The following DENND1A variants were observed in gnomAD, a reference collection of about 807,000 sequenced individuals.
DENND1A encodes DENN domain containing 1A.
Under a neutral mutation model 113.7 loss-of-function variants are expected in DENND1A, and 51 were observed. The ratio of observed to expected loss-of-function variants is 0.45; its 90% CI spans 0.36 to 0.57. The LOEUF is 0.57. Among genes scored for constraint, DENND1A ranks in the 20% least tolerant of loss-of-function variants. The pLI is 0.00. For missense variants in DENND1A, 1,258 were observed against 1,395.9 expected, an observed-to-expected ratio of 0.90 and a Z score of 1.57; for synonymous variants, 565 against 570.8, an observed-to-expected ratio of 0.99 and a Z score of 0.14.
At chr9:123,816,082 C>T (rs946032689) in intron 2 of DENND1A, among the ~76,000 whole-genome samples, 17 of 147,480 alleles carry the variant, frequency 1.2e-4, no homozygotes, top group Non-Finnish European at 3.0e-5. Context: ...CTCACTGTAA[C>T]CTCGACCTCC....
At chr9:123,593,072 A>G (rs1394715720) in intron 11 of DENND1A, among the ~76,000 whole-genome samples, 1 of 152,226 alleles carries the variant, frequency 6.6e-6, no homozygotes, top group African/African-American at 2.4e-5. Flanking sequence ...GAAGGCAGAC[A>G]GCTCCAGGAC....
At chr9:123,899,711 T>C (rs1339775661) in intron 1 of DENND1A, among the ~76,000 whole-genome samples, 1 of 152,196 alleles carries the variant, frequency 6.6e-6, no homozygotes, top group Non-Finnish European at 1.5e-5. Flanking sequence ...AACTAATAAT[T>C]TGCAACTTAT....
chr9:123,572,711 G>C (rs779007020), intron 12 of DENND1A, among the ~76,000 whole-genome samples: 5 of 152,118 alleles, frequency 3.3e-5, no homozygotes, highest in Admixed American at 6.5e-5. Context: ...TTAGGTATAA[G>C]TGTTAAGAAT....
At chr9:123,492,020 G>C (rs528971302) in intron 13 of DENND1A, 1 of 152,398 alleles carries the variant, frequency 6.6e-6, no homozygotes, top group African/African-American at 2.4e-5. Context: ...CAGAGCAAGA[G>C]AGGAAGACAG....
At chr9:123,689,520 ATTAC>A (rs1465454280) in intron 5 of DENND1A, among the ~76,000 whole-genome samples, 7 of 152,318 alleles carry the variant, frequency 4.6e-5, no homozygotes, top group African/African-American at 1.7e-4. Flanking sequence ...TAGTTCTTTT[ATTAC>A]TTATAACAGC....
intron 13 of DENND1A, among the ~76,000 whole-genome samples, chr9:123,544,358 C>T (rs75940099): frequency 0.022 from 3,320 of 152,216 alleles, 68 homozygotes; most frequent in East Asian, 0.066. Flanking sequence ...TGACATTACC[C>T]CTTGCAAAAT....
chr9:123,893,210 G>A (rs1041963357), intron 1 of DENND1A, among the ~76,000 whole-genome samples: 7 of 151,932 alleles, frequency 4.6e-5, no homozygotes, highest in African/African-American at 1.2e-4. Context: ...AGAAACTAAC[G>A]AACAGATCAG....
At position 123,781,790 on chromosome 9, in the gene DENND1A, C is replaced by T. The variant is rs982227197; in HGVS notation, c.132+10797G>A. ...GTTAAACATTTTATTTAAAAAAAGGCCGAGCACGGTGACTCATGCCTATAA... is the reference window on the plus strand; with the variant it reads ...GTTAAACATTTTATTTAAAAAAAGGTCGAGCACGGTGACTCATGCCTATAA... On this transcript the variant is annotated intron_variant, in intron 3 of 23. Transcript: ENST00000394215. Among the ~76,000 whole-genome samples, 10 of 152,206 alleles carry T rather than the reference C, an allele frequency of 6.6e-5. No homozygotes were observed. The East Asian group carries it at 1.7e-3, about 26-fold the overall frequency.
chr9:123,627,382 T>A (rs910369339), intron 10 of DENND1A, among the ~76,000 whole-genome samples: 4 of 152,186 alleles, frequency 2.6e-5, no homozygotes, highest in Non-Finnish European at 5.9e-5. Flanking sequence ...CTCTCATCCC[T>A]GTCTTCCCAG....
intron 1 of DENND1A, among the ~76,000 whole-genome samples, chr9:123,885,066 C>T (rs908606267): frequency 7.9e-5 from 12 of 151,950 alleles, no homozygotes; most frequent in African/African-American, 2.9e-4. Flanking sequence ...CACAGACGCA[C>T]GCACACAGCC....
chr9:123,919,909 A>G (rs1168596897), intron 1 of DENND1A, among the ~76,000 whole-genome samples: 3 of 149,454 alleles, frequency 2.0e-5, no homozygotes, highest in Admixed American at 1.3e-4. Context: ...AAAAAGGATG[A>G]TATGACAACA....
intron 19 of DENND1A, among the ~76,000 whole-genome samples, chr9:123,420,471 C>T (rs954937353): frequency 5.9e-5 from 9 of 152,214 alleles, no homozygotes; most frequent in African/African-American, 1.9e-4. Flanking sequence ...AGAAAAGCCG[C>T]AGCACCTGCC....
chr9:123,450,244 C>A (rs1490458088), intron 18 of DENND1A, among the ~76,000 whole-genome samples: 1 of 152,182 alleles, frequency 6.6e-6, no homozygotes, highest in Non-Finnish European at 1.5e-5. Context: ...CTCAGCCCCA[C>A]CCCCTATGCT....
At position 123,381,020 on chromosome 9, in the gene DENND1A, C is replaced by T. The variant is rs933642142; in HGVS notation, c.*412G>A. 1.5e-5 allele frequency: 3 copies of T among 205,112 alleles called. No individual in the cohort carries two copies. Among genetic ancestry groups the T allele is most frequent in the Non-Finnish European group, 3.0e-5 (3 of 101,364 alleles). The allele number at this position is 205,112 out of a possible 1,614,324, so 12.7% of individuals were successfully genotyped here. A position where few individuals can be genotyped will look rare whatever the true frequency, so the allele number is the denominator to read the frequency against. Reference sequence around the variant, plus strand: ...TGTCACCTGTGTCCGAGGAGGTGGGCGTGCAGGGCCTGGCTGTGGAGGAGA... The same window carrying T: ...TGTCACCTGTGTCCGAGGAGGTGGGTGTGCAGGGCCTGGCTGTGGAGGAGA... On this transcript the variant is annotated 3_prime_UTR_variant, in exon 24 of 24. Coordinates refer to ENST00000394215, the MANE Select transcript of DENND1A (RefSeq NM_001352964.2). The surrounding 1 kb of genome is among the most constrained non-coding windows in gnomAD (Gnocchi z 4.7).
At chr9:123,906,062 A>G (rs11560586) in intron 1 of DENND1A, among the ~76,000 whole-genome samples, 10,541 of 151,494 alleles carry the variant, frequency 0.07, 535 homozygotes, top group African/African-American at 0.15. Context: ...CTCACTCAAA[A>G]CCGCTCAACT....
chr9:123,661,019 G>T (rs1336154349), intron 8 of DENND1A, among the ~76,000 whole-genome samples: 1 of 152,208 alleles, frequency 6.6e-6, no homozygotes, highest in African/African-American at 2.4e-5. Context: ...AACAAAGAAT[G>T]ATCTGGCCCA....
At chr9:123,740,058 C>A (rs1425701405) in intron 5 of DENND1A, among the ~76,000 whole-genome samples, 1 of 152,044 alleles carries the variant, frequency 6.6e-6, no homozygotes, top group East Asian at 1.9e-4. Flanking sequence ...AGAATTAATT[C>A]TTACAAAACC....
rs569430189 is a variant in DENND1A, at chr9:123,627,342, A to G, written c.719+3034T>C. On this transcript the variant is annotated intron_variant, in intron 10 of 23. Coordinates refer to ENST00000394215, the MANE Select transcript of DENND1A (RefSeq NM_001352964.2). Reference sequence around the variant, plus strand: ...TATGGGCCTGTGTCTTCGACACCCAATTGTTTGAGTTCCTTCTGCTGGAAA... The same window carrying G: ...TATGGGCCTGTGTCTTCGACACCCAGTTGTTTGAGTTCCTTCTGCTGGAAA... Among the ~76,000 whole-genome samples, 3 of 152,316 alleles carry G rather than the reference A, an allele frequency of 2.0e-5. No individual in the cohort carries two copies. The East Asian group carries it at 5.8e-4, about 29-fold the overall frequency.
chr9:123,890,777 A>G (rs1849782974), intron 1 of DENND1A, among the ~76,000 whole-genome samples: 1 of 152,192 alleles, frequency 6.6e-6, no homozygotes, highest in Admixed American at 6.5e-5. Flanking sequence ...GAACCCAGAG[A>G]GTGTGGCTCT....
Sources: allele counts gnomAD v4.1 joint callset (sites outside exome capture counted in the v4.1 genomes callset), GRCh38; gene constraint gnomAD v4.1.1; non-coding constraint Gnocchi (gnomAD v3.1); transcripts MANE v1.5; gene names NCBI Gene and HGNC (gene_info 2026-07-23, HGNC 2026-07-21).